The following SUSD1 variants were observed in gnomAD, a reference collection of about 807,000 sequenced individuals.
SUSD1 encodes sushi domain-containing protein 1.
A neutral mutation model predicts 86.9 loss-of-function variants in SUSD1; 65 were observed. That is an observed-to-expected ratio of 0.75 (90% confidence interval 0.61 to 0.92). SUSD1 has a LOEUF of 0.92. Ranked by LOEUF, SUSD1 falls within the 40% of genes least tolerant of loss-of-function variation. The pLI, the probability that SUSD1 is intolerant of heterozygous loss-of-function variation, is 0.00. For synonymous variants in SUSD1, 346 were observed against 350.0 expected, an observed-to-expected ratio of 0.99 and a Z score of 0.13; for missense variants, 850 against 929.7, an observed-to-expected ratio of 0.91 and a Z score of 1.11.
chr9:112,049,154 T>A (rs1202527597), intron 15 of SUSD1, among the ~76,000 whole-genome samples: 3 of 152,194 alleles, frequency 2.0e-5, no homozygotes, highest in African/African-American at 7.2e-5. Context: ...GGAAGGCCTA[T>A]GCTCAGGGAG....
At chr9:112,124,517 A>G (rs1831687691) in intron 5 of SUSD1, 81 bp from the exon 6 acceptor site, 10 of 1,366,790 alleles carry the variant, frequency 7.3e-6, no homozygotes, top group Non-Finnish European at 9.8e-6. Context: ...TAAATATTTA[A>G]TAGTGATAGA....
At chr9:112,158,004 T>G (rs1348706477) in intron 1 of SUSD1, among the ~76,000 whole-genome samples, 16 of 151,896 alleles carry the variant, frequency 1.1e-4, no homozygotes, top group East Asian at 7.8e-4. Context: ...TTTTTTTTCT[T>G]GTAGACACAG....
chr9:112,071,088 A>G (rs978396204), intron 12 of SUSD1, among the ~76,000 whole-genome samples: 1 of 152,142 alleles, frequency 6.6e-6, no homozygotes, highest in African/African-American at 2.4e-5. Flanking sequence ...GGACTCAAGC[A>G]GTCCTCTCTC....
At position 112,041,477 on chromosome 9, in the gene SUSD1, A is replaced by C. The variant is rs1827731383; in HGVS notation, c.*15T>G. On this transcript the variant is annotated 3_prime_UTR_variant, in exon 17 of 17. Transcript: ENST00000374270. ...CAGCAGCAGTGCATCCTCCCCACTCAGTGTCCATCTGCCATCTAGACATGG... is the reference window on the plus strand; with the variant it reads ...CAGCAGCAGTGCATCCTCCCCACTCCGTGTCCATCTGCCATCTAGACATGG... The C allele has an allele frequency of 9.0e-6, 7 of 780,954 alleles. No homozygotes were observed. The South Asian group carries it at 9.4e-5, about 10-fold the overall frequency. 48.4% of individuals were successfully genotyped at this position (780,954 alleles called of 1,614,324 possible). A position where few individuals can be genotyped will look rare whatever the true frequency, so the allele number is the denominator to read the frequency against.
chr9:112,152,587 T>G (rs1833103928), intron 2 of SUSD1, among the ~76,000 whole-genome samples: 1 of 114,562 alleles, frequency 8.7e-6, no homozygotes, highest in African/African-American at 3.7e-5. Flanking sequence ...TTTTTTTTTT[T>G]GTACAGATGG....
chr9:112,136,430 C>T (rs1832268273), intron 5 of SUSD1, among the ~76,000 whole-genome samples: 1 of 152,108 alleles, frequency 6.6e-6, no homozygotes, highest in Non-Finnish European at 1.5e-5. Context: ...GACAAGGTCT[C>T]ACTATGTTTT....
chr9:112,129,973 T>C (rs1273404303), intron 5 of SUSD1, among the ~76,000 whole-genome samples: 1 of 152,158 alleles, frequency 6.6e-6, no homozygotes, highest in Non-Finnish European at 1.5e-5. Context: ...AATTCACACA[T>C]ACCAAACACC....
At chr9:112,124,642 C>T (rs1831693796) in intron 5 of SUSD1, among the ~76,000 whole-genome samples, 1 of 152,110 alleles carries the variant, frequency 6.6e-6, no homozygotes, top group African/African-American at 2.4e-5. Context: ...TCAAACTATG[C>T]AATTATTTAC....
Position 112,106,859 on chromosome 9 carries a change from T to A in SUSD1, c.1172-4574A>T, listed in dbSNP as rs537644652. 5.9e-5 allele frequency among the ~76,000 whole-genome samples: 9 copies of A among 151,268 alleles called. No individual in the cohort carries two copies. In the East Asian group the frequency reaches 7.7e-4, roughly 13 times the overall value. ...ACACTCAAATAGAATTTGTCTTTTTTAAATGTGATCACTTGTAGAAAAGAA... is the reference window on the plus strand; with the variant it reads ...ACACTCAAATAGAATTTGTCTTTTTAAAATGTGATCACTTGTAGAAAAGAA... On this transcript the variant is annotated intron_variant, in intron 8 of 16. Transcript: ENST00000374270.
At chr9:112,145,644 C>A (rs1832779734) in intron 3 of SUSD1, among the ~76,000 whole-genome samples, 1 of 152,150 alleles carries the variant, frequency 6.6e-6, no homozygotes, top group African/African-American at 2.4e-5. Context: ...CCTCAGAATC[C>A]TTTTGAACTT....
At chr9:112,170,706 T>G (rs1041806733) in intron 1 of SUSD1, among the ~76,000 whole-genome samples, 1,488 of 88,284 alleles carry the variant, frequency 0.017, 12 homozygotes, top group African/African-American at 0.042. Context: ...TATATATATA[T>G]ATATAGAGAG....
At chr9:112,116,117 G>A (rs576906557) in intron 6 of SUSD1, among the ~76,000 whole-genome samples, 35 of 152,294 alleles carry the variant, frequency 2.3e-4, no homozygotes, top group Admixed American at 1.9e-3. Flanking sequence ...CCAGCAAAGC[G>A]AATTTCCTTT....
intron 1 of SUSD1, among the ~76,000 whole-genome samples, chr9:112,167,573 C>T (rs1833875234): frequency 6.6e-6 from 1 of 152,234 alleles, no homozygotes; most frequent in Non-Finnish European, 1.5e-5. Flanking sequence ...CTGCAAGATG[C>T]AGTGCCTGGT....
At chr9:112,155,892 G>A (rs1833281350) in intron 2 of SUSD1, among the ~76,000 whole-genome samples, 1 of 150,170 alleles carries the variant, frequency 6.7e-6, no homozygotes, top group South Asian at 2.1e-4. Flanking sequence ...AAGGAGAGAG[G>A]GAGAAGGAGA....
At chr9:112,110,305 C>T (rs1246156406) in intron 8 of SUSD1, among the ~76,000 whole-genome samples, 1 of 152,066 alleles carries the variant, frequency 6.6e-6, no homozygotes, top group African/African-American at 2.4e-5. Flanking sequence ...GCTGAGATCG[C>T]ACCACTGCAC....
intron 10 of SUSD1, among the ~76,000 whole-genome samples, chr9:112,090,395 A>T (rs1830158410): frequency 6.6e-6 from 1 of 152,202 alleles, no homozygotes; most frequent in Non-Finnish European, 1.5e-5. Flanking sequence ...CCCCATACCC[A>T]GATCATTTCA....
chr9:112,135,243 A>AT (rs148770121), intron 5 of SUSD1, among the ~76,000 whole-genome samples: 7 of 152,310 alleles, frequency 4.6e-5, no homozygotes, highest in African/African-American at 1.4e-4. Flanking sequence ...TTTTTGATGC[A>AT]TTTTGTATTC....
chr9:112,056,402 A>G (rs1435540859), intron 14 of SUSD1, among the ~76,000 whole-genome samples: 1 of 152,242 alleles, frequency 6.6e-6, no homozygotes, highest in Non-Finnish European at 1.5e-5. Context: ...CAACAATGTG[A>G]ATGAACTTAA....
At chr9:112,106,318 C>T (rs1025812885) in intron 8 of SUSD1, among the ~76,000 whole-genome samples, 1 of 152,092 alleles carries the variant, frequency 6.6e-6, no homozygotes, top group African/African-American at 2.4e-5. Flanking sequence ...ACTCTTCTTT[C>T]AAAGCTTCCA....
Sources: gnomAD v4.1 joint callset for allele counts (sites outside exome capture counted in the v4.1 genomes callset) on GRCh38, gnomAD v4.1.1 for gene constraint, MANE v1.5 for transcripts, NCBI Gene and HGNC (gene_info 2026-07-23, HGNC 2026-07-21) for gene names.